SPAG9: variants seen among roughly 807,000 people sequenced by gnomAD.
SPAG9 encodes the protein sperm associated antigen 9.
In SPAG9, 35 loss-of-function variants were observed where a neutral mutation model predicts 166.5. That is an observed-to-expected ratio of 0.21 (90% CI 0.16 to 0.28). The LOEUF is 0.28. Among genes scored for constraint, SPAG9 ranks in the 10% least tolerant of loss-of-function variants. The pLI is 1.00. For synonymous variants in SPAG9, 534 were observed against 565.5 expected (o/e 0.94, Z 0.79); for missense variants, 1,235 against 1,603.3 (o/e 0.77, Z 3.92).
intron 1 of SPAG9, among the ~76,000 whole-genome samples, chr17:51,096,022 G>GATATATATATAGTGATAT (rs1568084100): frequency 5.2e-5 from 5 of 95,270 alleles, no homozygotes; most frequent in East Asian, 2.6e-4. Context: ...TATATATAGT[G>GATATATATATAGTGATAT]ATATATATAT....
chr17:51,081,418 T>G (rs75123667), intron 1 of SPAG9, among the ~76,000 whole-genome samples: 10,737 of 151,694 alleles, frequency 0.071, 405 homozygotes, highest in Non-Finnish European at 0.089. Flanking sequence ...GCCACTAAAC[T>G]CCAGCCTGGG....
intron 3 of SPAG9, among the ~76,000 whole-genome samples, chr17:51,053,333 G>A (rs1267686193): frequency 1.3e-5 from 2 of 151,804 alleles, no homozygotes; most frequent in African/African-American, 2.4e-5. Flanking sequence ...AGACCAGCCT[G>A]GGCAACATAG....
chr17:50,962,215 GT>G lies in SPAG9; in HGVS notation c.*4056del, dbSNP rs1973173618. ...TATTTATATATATCTCATGTACAAA[GT>G]TACATTCTGAACCCCAGGGATTCCA... On this transcript the variant is annotated 3_prime_UTR_variant, in exon 30 of 30. Coordinates refer to ENST00000262013, the MANE Select transcript of SPAG9 (RefSeq NM_001130528.3). The G allele has an allele frequency of 6.6e-6, 1 of 152,116 alleles. No homozygotes were observed. Among genetic ancestry groups the G allele is most frequent in the African/African-American group, 2.4e-5 (1 of 41,420 alleles). The allele number at this position is 152,116 out of a possible 1,614,324, so 9.4% of individuals were successfully genotyped here.
At chr17:50,985,896 A>G in intron 22 of SPAG9, 118 bp from the exon 23 acceptor site, 1 of 576,936 alleles carries the variant, frequency 1.7e-6, no homozygotes, top group East Asian at 3.2e-5. Context: ...AATTTTAGGA[A>G]AAGGTGCTGC....
chr17:51,083,231 CTT>C (rs1038107789), intron 1 of SPAG9, among the ~76,000 whole-genome samples: 1 of 141,878 alleles, frequency 7.0e-6, no homozygotes, highest in Non-Finnish European at 1.5e-5. Context: ...TTTCTTTTTT[CTT>C]TTTTTTTTTT....
chr17:51,037,666 T>C (rs1229646809), intron 5 of SPAG9, among the ~76,000 whole-genome samples: 1 of 45,338 alleles, frequency 2.2e-5, no homozygotes, highest in African/African-American at 1.1e-4. Flanking sequence ...ATATGTGTTT[T>C]ATATATATAT....
At chr17:51,089,013 A>C (rs1263935985) in intron 1 of SPAG9, among the ~76,000 whole-genome samples, 2 of 151,838 alleles carry the variant, frequency 1.3e-5, no homozygotes, top group African/African-American at 4.8e-5. Context: ...GAATCACTTG[A>C]ACCTGGTAGG....
chr17:51,022,230 C>T (rs1398833553), intron 6 of SPAG9, among the ~76,000 whole-genome samples: 2 of 151,318 alleles, frequency 1.3e-5, no homozygotes, highest in African/African-American at 2.4e-5. Context: ...AAGACCCTGT[C>T]TCTTTGAAAA....
intron 14 of SPAG9, chr17:50,999,427 A>G (rs1196641169): frequency 6.9e-6 from 10 of 1,439,596 alleles, no homozygotes; most frequent in Non-Finnish European, 9.2e-6. Flanking sequence ...CACAGTCAAC[A>G]TGATGCAGCT....
chr17:51,066,125 A>G (rs539548061), intron 2 of SPAG9, among the ~76,000 whole-genome samples: 32 of 150,512 alleles, frequency 2.1e-4, no homozygotes, highest in Non-Finnish European at 4.1e-4. Flanking sequence ...TTTTTTCTTG[A>G]GACAGGGTCT....
intron 1 of SPAG9, among the ~76,000 whole-genome samples, chr17:51,079,916 C>G (rs963286341): frequency 1.3e-5 from 2 of 152,168 alleles, no homozygotes; most frequent in Admixed American, 6.5e-5. Context: ...ATTGTTTCCA[C>G]TTCATGTTAT....
At position 51,120,534 on chromosome 17, in the gene SPAG9, G is replaced by A; in HGVS notation, c.123C>T (p.Arg41=). The A allele has an allele frequency of 6.2e-7, 1 of 1,613,974 alleles. No homozygotes were observed. Residue 41 remains arginine (R), a synonymous_variant, in exon 1 of 30, where the codon CGC becomes CGT. Coordinates refer to ENST00000262013, the MANE Select transcript of SPAG9 (RefSeq NM_001130528.3). This position sits in a 1 kb window ranked among gnomAD's most constrained non-coding sequence, Gnocchi z 4.7. ...IYREFERLIG[R]YDEEVVKELM... ...GCTCTTTGACCACCTCCTCGTCATA[G>A]CGCCCGATAAGCCGCTCGAACTCGC...
At chr17:51,056,335 A>G in intron 3 of SPAG9, 77 bp downstream of exon 3, 2 of 837,800 alleles carry the variant, frequency 2.4e-6, no homozygotes, top group Non-Finnish European at 3.9e-6. Flanking sequence ...ATTTTCAAAG[A>G]AAAATTAAGA....
chr17:51,045,352 C>T (rs1163103835), intron 4 of SPAG9, among the ~76,000 whole-genome samples: 1 of 152,052 alleles, frequency 6.6e-6, no homozygotes, highest in East Asian at 1.9e-4. Flanking sequence ...TACAGATACA[C>T]GTACACAAAT....
At chr17:51,090,891 G>T (rs557672834) in intron 1 of SPAG9, among the ~76,000 whole-genome samples, 1 of 152,276 alleles carries the variant, frequency 6.6e-6, no homozygotes, top group East Asian at 1.9e-4. Flanking sequence ...CTCTGAATAT[G>T]AAATGAAACT....
chr17:51,018,273 A>AGGGGGT, intron 8 of SPAG9, among the ~76,000 whole-genome samples: 1 of 2,748 alleles, frequency 3.6e-4, no homozygotes, highest in East Asian at 6.3e-3. Context: ...AACCCGGGGG[A>AGGGGGT]GGGGGTGGGG....
intron 6 of SPAG9, among the ~76,000 whole-genome samples, chr17:51,027,654 A>G (rs776266909): frequency 6.6e-5 from 10 of 152,164 alleles, no homozygotes; most frequent in Non-Finnish European, 1.2e-4. Context: ...ATAATATCCC[A>G]GTGCAATGCC....
intron 5 of SPAG9, among the ~76,000 whole-genome samples, chr17:51,040,646 T>A (rs2046802163): frequency 6.6e-6 from 1 of 152,218 alleles, no homozygotes; most frequent in Non-Finnish European, 1.5e-5. Context: ...ATTTATGTTC[T>A]TAGGGAAGAG....
At chr17:51,036,443 C>T (rs531019196) in intron 5 of SPAG9, among the ~76,000 whole-genome samples, 1 of 152,254 alleles carries the variant, frequency 6.6e-6, no homozygotes, top group African/African-American at 2.4e-5. Context: ...TGTGCCTCGA[C>T]TTTCAGCGCT....
Sources: allele counts gnomAD v4.1 joint callset (sites outside exome capture counted in the v4.1 genomes callset), GRCh38; gene constraint gnomAD v4.1.1; non-coding constraint Gnocchi (gnomAD v3.1); transcripts MANE v1.5; gene names NCBI Gene and HGNC (gene_info 2026-07-23, HGNC 2026-07-21).